Variants in ABI3BP observed in about 807,000 individuals in gnomAD.
ABI3BP encodes target of Nesh-SH3.
In ABI3BP, 216 loss-of-function variants were observed where a neutral mutation model predicts 268.6. The observed-to-expected ratio is 0.80, with a 90% CI of 0.72 to 0.90. The LOEUF (loss-of-function observed/expected upper bound fraction) is 0.90, where lower values mean the gene tolerates loss of function less well. Ranked by LOEUF, ABI3BP falls within the 40% of genes least tolerant of loss-of-function variation. The pLI, the probability that ABI3BP is intolerant of heterozygous loss-of-function variation, is 0.00. For missense variants in ABI3BP, 2,090 were observed against 2,182.4 expected (o/e 0.96, Z 0.84); for synonymous variants, 730 against 730.0 (o/e 1.00, Z 0.00).
chr3:100,793,862 T>C (rs1407300157), intron 54 of ABI3BP, among the ~76,000 whole-genome samples: 1 of 152,008 alleles, frequency 6.6e-6, no homozygotes, highest in African/African-American at 2.4e-5. Context: ...GCTTTTTGGT[T>C]CATTTTCAAC....
Position 100,820,318 on chromosome 3 carries a change from C to T in ABI3BP, c.2948-15G>A. Reference sequence around the variant, plus strand: ...TGTTTTAGGAGCTGAAGAAAGAAAACCTTTAGTTACTACAGAGTCCGTAGC... The same window carrying T: ...TGTTTTAGGAGCTGAAGAAAGAAAATCTTTAGTTACTACAGAGTCCGTAGC... On this transcript the variant is annotated splice_polypyrimidine_tract_variant and intron_variant, in intron 39 of 67. Coordinates refer to ENST00000471714, the MANE Select transcript of ABI3BP (RefSeq NM_001375547.2). The T allele has an allele frequency of 6.5e-7, 1 of 1,534,022 alleles. No individual in the cohort carries two copies. Among genetic ancestry groups the T allele is most frequent in the African/African-American group, 1.4e-5 (1 of 73,106 alleles).
At chr3:100,758,109 C>CA (rs202096775) in intron 63 of ABI3BP, among the ~76,000 whole-genome samples, 6,391 of 146,312 alleles carry the variant, frequency 0.044, 363 homozygotes, top group African/African-American at 0.13. Flanking sequence ...AACAAACAAA[C>CA]AAAAAAAAAA....
At chr3:100,857,864 C>T (rs1393201053) in intron 14 of ABI3BP, among the ~76,000 whole-genome samples, 1 of 152,172 alleles carries the variant, frequency 6.6e-6, no homozygotes, top group African/African-American at 2.4e-5. Flanking sequence ...CCTTGAATCT[C>T]CTAGAAGAAA....
At chr3:100,901,751 G>A (rs1479601108) in intron 3 of ABI3BP, among the ~76,000 whole-genome samples, 1 of 150,284 alleles carries the variant, frequency 6.7e-6, no homozygotes, top group East Asian at 1.9e-4. Context: ...GGGCCACAGA[G>A]CAAGACTCCG....
chr3:100,790,407 T>C (rs1472987384), intron 55 of ABI3BP, among the ~76,000 whole-genome samples: 1 of 152,052 alleles, frequency 6.6e-6, no homozygotes, highest in African/African-American at 2.4e-5. Context: ...CTTGCAAACT[T>C]TGTAAGTAGA....
At chr3:100,791,212 T>C (rs1458563750) in intron 55 of ABI3BP, among the ~76,000 whole-genome samples, 1 of 151,918 alleles carries the variant, frequency 6.6e-6, no homozygotes, top group Non-Finnish European at 1.5e-5. Flanking sequence ...TTATATTTAA[T>C]ACAATATTTT....
intron 57 of ABI3BP, among the ~76,000 whole-genome samples, chr3:100,786,312 G>C (rs1053121147): frequency 7.2e-5 from 11 of 152,098 alleles, no homozygotes; most frequent in Non-Finnish European, 1.0e-4. Context: ...GAAAAGCCCT[G>C]CTATATTATT....
In ABI3BP at chr3:100,823,482, TAA is replaced by T. The variant is rs1292344325; in HGVS notation, c.2777_2778del (p.Leu926GlnfsTer3). ...CCTAATGTTGTTGAGGCCTCAGGTC[TAA>T]GAGTGACAGGTTCTAGGACTGTAGC... ...VPATVLEPVT[L>X]RPEASTTLAS... On this transcript the variant is annotated frameshift_variant, in exon 37 of 68. Transcript: ENST00000471714. LOFTEE classifies it high-confidence loss of function. The T allele has an allele frequency of 1.3e-6, 2 of 1,534,920 alleles. No homozygotes were observed. Among genetic ancestry groups the T allele is most frequent in the Non-Finnish European group, 1.7e-6 (2 of 1,146,386 alleles).
Position 100,750,201 on chromosome 3 carries a change from A to G in ABI3BP, c.*294T>C, listed in dbSNP as rs1190131063. 3.9e-6 allele frequency: 1 copy of G among 253,916 alleles called. No homozygotes were observed. Among genetic ancestry groups the G allele is most frequent in the African/African-American group, 2.3e-5 (1 of 43,504 alleles). The allele number at this position is 253,916 out of a possible 1,614,324, so 15.7% of individuals were successfully genotyped here. A position where few individuals can be genotyped will look rare whatever the true frequency, so the allele number is the denominator to read the frequency against. ...TATAAAAGTATCTCAAAACATCATTACAACAGTGTGATAAATAATATACAA... is the reference window on the plus strand; with the variant it reads ...TATAAAAGTATCTCAAAACATCATTGCAACAGTGTGATAAATAATATACAA... On this transcript the variant is annotated 3_prime_UTR_variant, in exon 68 of 68. Coordinates refer to ENST00000471714, the MANE Select transcript of ABI3BP (RefSeq NM_001375547.2).
At chr3:100,914,040 T>A (rs1001486476) in intron 2 of ABI3BP, among the ~76,000 whole-genome samples, 14 of 151,908 alleles carry the variant, frequency 9.2e-5, no homozygotes, top group African/African-American at 2.9e-4. Flanking sequence ...GGAAAAAAAA[T>A]AATTAGAGGG....
chr3:100,912,144 A>G, intron 2 of ABI3BP: 1 of 486,980 alleles, frequency 2.1e-6, no homozygotes, highest in Non-Finnish European at 3.7e-6. Context: ...GCTGGTCAAC[A>G]CAAAGCCCAA....
At chr3:100,860,496 T>C (rs1423904803) in intron 14 of ABI3BP, among the ~76,000 whole-genome samples, 1 of 152,168 alleles carries the variant, frequency 6.6e-6, no homozygotes, top group Non-Finnish European at 1.5e-5. Context: ...AACCAGAATA[T>C]TCCTTTTTTG....
chr3:100,751,721 A>G, intron 66 of ABI3BP, 47 bp from the exon 67 acceptor site: 2 of 1,515,714 alleles, frequency 1.3e-6, no homozygotes, highest in South Asian at 2.5e-5. Flanking sequence ...TCTTACTTTG[A>G]AATGTGACAA....
intron 51 of ABI3BP, among the ~76,000 whole-genome samples, chr3:100,800,475 G>GTTTCTCAGCTATA (rs2097501436): frequency 6.6e-6 from 1 of 152,084 alleles, no homozygotes; most frequent in Admixed American, 6.5e-5. Context: ...GAGTCATGCT[G>GTTTCTCAGCTATA]TTTCTCAGCT....
At chr3:100,798,398 G>GT (rs1207459634) in intron 51 of ABI3BP, among the ~76,000 whole-genome samples, 2 of 152,078 alleles carry the variant, frequency 1.3e-5, no homozygotes, top group East Asian at 1.9e-4. Flanking sequence ...AATTCAAGTT[G>GT]TTTTTTCTTT....
Position 100,830,620 on chromosome 3 carries a change from G to A in ABI3BP, c.2416C>T (p.Leu806Phe), listed in dbSNP as rs988598400. Reference sequence around the variant, plus strand: ...GCCTCAGTTCTAAGAACTGGTTCGAGGATTGTGGCAGGAACTGATCAAAAG... The same window carrying A: ...GCCTCAGTTCTAAGAACTGGTTCGAAGATTGTGGCAGGAACTGATCAAAAG... ...PQTKLVPATILEPVLRTEASG... is the reference protein window; with the variant it reads ...PQTKLVPATIFEPVLRTEASG... Residue 806 changes from leucine (L) to phenylalanine (F), a missense_variant, in exon 32 of 68, where the codon CTC becomes TTC. Coordinates refer to ENST00000471714, the MANE Select transcript of ABI3BP (RefSeq NM_001375547.2). The A allele has an allele frequency of 2.6e-6, 4 of 1,532,436 alleles. No individual in the cohort carries two copies. Among genetic ancestry groups the A allele is most frequent in the African/African-American group, 2.7e-5 (2 of 72,914 alleles). 94.9% of individuals were successfully genotyped at this position (1,532,436 alleles called of 1,614,324 possible).
chr3:100,956,194 CA>C (rs1183802585), intron 1 of ABI3BP, among the ~76,000 whole-genome samples: 1,340 of 116,330 alleles, frequency 0.012, 18 homozygotes, highest in African/African-American at 0.037. Flanking sequence ...GACTCTGTCT[CA>C]AAAAAAAAAA....
intron 4 of ABI3BP, among the ~76,000 whole-genome samples, chr3:100,893,612 C>A (rs1176402009): frequency 6.6e-6 from 1 of 151,422 alleles, no homozygotes; most frequent in African/African-American, 2.4e-5. Context: ...GGGATGGCAA[C>A]TAGTGAGAAG....
In ABI3BP at chr3:100,780,156, A is replaced by G; in HGVS notation, c.4216T>C (p.Ser1406Pro). ...CCTGGCTTTTTAGTGGGGTGGGTAG[A>G]GTCCACTGATACATTTCTATCAGCA... is the stretch of plus-strand genomic sequence containing the variant. ...SGADRNVSVD[S>P]THPTKKPGTR... Residue 1406 changes from serine (S) to proline (P), a missense_variant, in exon 58 of 68, where the codon TCT (serine) becomes CCT (proline). Coordinates refer to ENST00000471714, the MANE Select transcript of ABI3BP (RefSeq NM_001375547.2). The G allele has an allele frequency of 6.2e-7, 1 of 1,613,020 alleles. No individual in the cohort carries two copies. Among genetic ancestry groups the G allele is most frequent in the Non-Finnish European group, 8.5e-7 (1 of 1,179,220 alleles).
Sources: gnomAD v4.1 joint callset for allele counts (sites outside exome capture counted in the v4.1 genomes callset) on GRCh38, gnomAD v4.1.1 for gene constraint, MANE v1.5 for transcripts, NCBI Gene and HGNC (gene_info 2026-07-23, HGNC 2026-07-21) for gene names.